HECW2: variants seen among roughly 807,000 people sequenced by gnomAD.
The protein encoded by HECW2 is HECT, C2 and WW domain containing E3 ubiquitin protein ligase 2.
HECW2 carries 61 observed loss-of-function variants against 175.2 expected under a neutral mutation model. The observed-to-expected ratio is 0.35, with a 90% confidence interval of 0.28 to 0.43. The LOEUF is 0.43. Among genes scored for constraint, HECW2 ranks in the 20% least tolerant of loss-of-function variants. The pLI is 1.00. For missense variants in HECW2, 1,524 were observed against 2,000.5 expected, an observed-to-expected ratio of 0.76 and a Z score of 4.54; for synonymous variants, 671 against 731.0, an observed-to-expected ratio of 0.92 and a Z score of 1.32.
intron 1 of HECW2, among the ~76,000 whole-genome samples, chr2:196,521,304 AAAAG>A (rs1559155905): frequency 6.7e-6 from 1 of 148,170 alleles, no homozygotes; most frequent in Non-Finnish European, 1.5e-5. Context: ...AAAAAAAAAA[AAAAG>A]AAAGAAAAAG....
At chr2:196,202,884 G>A (rs1216059723) in intron 28 of HECW2, among the ~76,000 whole-genome samples, 1 of 152,062 alleles carries the variant, frequency 6.6e-6, no homozygotes, top group Non-Finnish European at 1.5e-5. Context: ...AGATATCTTG[G>A]GGAATGGGAC....
chr2:196,372,363 A>G (rs1292111302), intron 2 of HECW2, among the ~76,000 whole-genome samples: 1 of 152,232 alleles, frequency 6.6e-6, no homozygotes. Context: ...CACTGTGAAC[A>G]GTATTAAAGT....
At chr2:196,362,383 AGT>A (rs1277392713) in intron 2 of HECW2, among the ~76,000 whole-genome samples, 1 of 144,420 alleles carries the variant, frequency 6.9e-6, no homozygotes, top group African/African-American at 2.6e-5. Flanking sequence ...ACACACACAG[AGT>A]GGGCTGATGT....
At chr2:196,294,823 T>C (rs1690745329) in intron 13 of HECW2, among the ~76,000 whole-genome samples, 1 of 152,212 alleles carries the variant, frequency 6.6e-6, no homozygotes, top group South Asian at 2.1e-4. Context: ...CCAGCCTGGC[T>C]CTCTGGGTCC....
intron 1 of HECW2, among the ~76,000 whole-genome samples, chr2:196,489,247 T>C (rs1027207553): frequency 4.6e-5 from 7 of 152,362 alleles, no homozygotes; most frequent in African/African-American, 1.7e-4. Flanking sequence ...TTTGTTTTTA[T>C]GCTAGACTAG....
At chr2:196,374,437 T>C (rs894400840) in intron 2 of HECW2, among the ~76,000 whole-genome samples, 3 of 152,190 alleles carry the variant, frequency 2.0e-5, no homozygotes, top group Non-Finnish European at 4.4e-5. Flanking sequence ...TTCCAAGTGG[T>C]GTACAATGAA....
intron 1 of HECW2, among the ~76,000 whole-genome samples, chr2:196,455,220 GAT>G (rs1696470449): frequency 6.6e-6 from 1 of 152,098 alleles, no homozygotes; most frequent in Non-Finnish European, 1.5e-5. Flanking sequence ...TTTTAGTTGA[GAT>G]GGGGTTTCAC....
chr2:196,299,330 A>C (rs961119559), intron 13 of HECW2, among the ~76,000 whole-genome samples: 5 of 8,860 alleles, frequency 5.6e-4, no homozygotes, highest in African/African-American at 6.3e-4. Flanking sequence ...AAAATAAGTT[A>C]AAAAAAAAAA....
rs148358471 is a variant in HECW2 at position 196,529,806 on chromosome 2, T to C, written c.-36+63702A>G. Among the ~76,000 whole-genome samples, 748 of 152,326 alleles carry C rather than the reference T, an allele frequency of 4.9e-3. 6 individuals carry two copies. Among genetic ancestry groups the C allele is most frequent in the Middle Eastern group, 0.014 (4 of 294 alleles). Reference sequence around the variant, plus strand: ...GCCCACTCACACTGGAACTGTCACATGGGAAACAAACATCTCTGTTCTTTT... The same window carrying C: ...GCCCACTCACACTGGAACTGTCACACGGGAAACAAACATCTCTGTTCTTTT... On this transcript the variant is annotated intron_variant, in intron 1 of 28. Transcript: ENST00000644978.
At chr2:196,309,160 G>A (rs1025947309) in intron 10 of HECW2, among the ~76,000 whole-genome samples, 5 of 152,266 alleles carry the variant, frequency 3.3e-5, no homozygotes, top group African/African-American at 1.2e-4. Flanking sequence ...AGGGAACAGG[G>A]TAAGTATCCC....
Position 196,318,982 on chromosome 2 carries a change from A to G in HECW2, c.1908T>C (p.Ser636=), listed in dbSNP as rs766196887. The G allele has an allele frequency of 6.8e-6, 11 of 1,612,724 alleles. No homozygotes were observed. Among genetic ancestry groups the G allele is most frequent in the Non-Finnish European group, 9.3e-6 (11 of 1,179,526 alleles). The change falls in exon 9 of 29, where the codon AGT becomes AGC. Residue 636 remains serine, a synonymous_variant. Transcript: ENST00000644978. The part of the protein sequence containing the change: ...SEASTRPEGE[S]DLECADSSCN... ...AGGAGCTGTCAGCGCATTCCAGGTC[A>G]CTCTCTCCCTCAGGCCTGGTGCTGG...
chr2:196,283,758 T>C (rs73044229), intron 14 of HECW2, among the ~76,000 whole-genome samples: 1,983 of 152,230 alleles, frequency 0.013, 43 homozygotes, highest in African/African-American at 0.045. Flanking sequence ...CTGGAAACAG[T>C]GAAGTTTCCA....
At chr2:196,362,614 C>T (rs1349447742) in intron 2 of HECW2, among the ~76,000 whole-genome samples, 3 of 152,072 alleles carry the variant, frequency 2.0e-5, no homozygotes, top group African/African-American at 7.2e-5. Context: ...CTTTTTCAAA[C>T]GTAATATAGC....
At chr2:196,350,640 C>T (rs1326978152) in intron 2 of HECW2, among the ~76,000 whole-genome samples, 1 of 149,486 alleles carries the variant, frequency 6.7e-6, no homozygotes, top group Admixed American at 6.6e-5. Flanking sequence ...ATTCATTTGA[C>T]AGGTATTTAT....
chr2:196,438,505 C>T (rs1695946153), intron 1 of HECW2, among the ~76,000 whole-genome samples: 1 of 152,146 alleles, frequency 6.6e-6, no homozygotes. Flanking sequence ...CCACATTTCA[C>T]GTCCTCCACA....
chr2:196,439,892 G>A (rs915384048), intron 1 of HECW2, among the ~76,000 whole-genome samples: 8 of 152,208 alleles, frequency 5.3e-5, no homozygotes, highest in African/African-American at 1.2e-4. Context: ...GGCAGAAGAC[G>A]GATTTTAGTG....
intron 13 of HECW2, among the ~76,000 whole-genome samples, chr2:196,302,978 C>A (rs1332887349): frequency 2.0e-5 from 3 of 152,216 alleles, no homozygotes; most frequent in Non-Finnish European, 4.4e-5. Flanking sequence ...CAGAGAGCAT[C>A]CTTGCCTTGT....
rs367911088 is a variant in HECW2 at position 196,461,674 on chromosome 2, G to A, written c.-35-28216C>T. Among the ~76,000 whole-genome samples, 20 of 152,252 alleles carry A rather than the reference G, an allele frequency of 1.3e-4. No homozygotes were observed. In the East Asian group the frequency reaches 1.5e-3, roughly 12 times the overall value. On this transcript the variant is annotated intron_variant, in intron 1 of 28. Transcript: ENST00000644978. Reference sequence around the variant, plus strand: ...TACATTCATGGCAGAAGGTTAAAGGGAAGCAAGGCACCTTCTTCACAAGGT... The same window carrying A: ...TACATTCATGGCAGAAGGTTAAAGGAAAGCAAGGCACCTTCTTCACAAGGT...
chr2:196,390,679 C>A (rs1437249302), intron 2 of HECW2, among the ~76,000 whole-genome samples: 1 of 152,142 alleles, frequency 6.6e-6, no homozygotes, highest in Non-Finnish European at 1.5e-5. Flanking sequence ...TTTATTAACA[C>A]AACAGTTTCA....
Sources: gnomAD v4.1 joint callset for allele counts (sites outside exome capture counted in the v4.1 genomes callset) on GRCh38, gnomAD v4.1.1 for gene constraint, MANE v1.5 for transcripts, NCBI Gene and HGNC (gene_info 2026-07-23, HGNC 2026-07-21) for gene names.